The following CTNNA2 variants were observed in gnomAD, a reference collection of about 807,000 sequenced individuals.
CTNNA2 encodes catenin alpha-2.
Under a neutral mutation model 101.0 loss-of-function variants are expected in CTNNA2, and 42 were observed. The observed-to-expected ratio is 0.42, with a 90% CI of 0.32 to 0.54. The LOEUF (loss-of-function observed/expected upper bound fraction) is 0.54. Among genes scored for constraint, CTNNA2 ranks in the 20% least tolerant of loss-of-function variants. The pLI, the probability that CTNNA2 is intolerant of heterozygous loss-of-function variation, is 0.14. For synonymous variants in CTNNA2, 450 were observed against 456.4 expected, an observed-to-expected ratio of 0.99 and a Z score of 0.18; for missense variants, 871 against 1,223.1, an observed-to-expected ratio of 0.71 and a Z score of 4.29.
At chr2:80,472,940 G>A (rs1000229148) in intron 9 of CTNNA2, among the ~76,000 whole-genome samples, 8 of 152,116 alleles carry the variant, frequency 5.3e-5, no homozygotes, top group Admixed American at 1.3e-4. Context: ...CCACCTTCTC[G>A]TTCAGCTTGT....
At chr2:80,125,934 C>T (rs756043247) in intron 7 of CTNNA2, among the ~76,000 whole-genome samples, 1 of 152,164 alleles carries the variant, frequency 6.6e-6, no homozygotes, top group Non-Finnish European at 1.5e-5. Flanking sequence ...AATACCGAAG[C>T]ACCTGGTTCA....
At chr2:80,126,380 G>T (rs1375716607) in intron 7 of CTNNA2, among the ~76,000 whole-genome samples, 1 of 151,726 alleles carries the variant, frequency 6.6e-6, no homozygotes, top group African/African-American at 2.4e-5. Context: ...AAAGTTAAGG[G>T]GAATCCTCAA....
At chr2:80,023,413 T>G (rs1193037196) in intron 7 of CTNNA2, among the ~76,000 whole-genome samples, 1 of 152,164 alleles carries the variant, frequency 6.6e-6, no homozygotes, top group Non-Finnish European at 1.5e-5. Flanking sequence ...TGATTGAAGT[T>G]TCTACTGACC....
At chr2:79,509,131 A>G (rs1329122037), upstream of CTNNA2, among the ~76,000 whole-genome samples, 3 of 151,710 alleles carry the variant, frequency 2.0e-5, no homozygotes. Flanking sequence ...TTAATAGTAA[A>G]AGGAATACAT....
chr2:79,287,564 C>CTTGGGGT (rs201633639), intron 2 of CTNNA2, among the ~76,000 whole-genome samples: 1 of 143,792 alleles, frequency 7.0e-6, no homozygotes, highest in Non-Finnish European at 1.5e-5. Flanking sequence ...AGTTAGGCTG[C>CTTGGGGT]TCAGGGGTCA....
chr2:79,563,163 A>G (rs761438081), intron 1 of CTNNA2, among the ~76,000 whole-genome samples: 18 of 35,502 alleles, frequency 5.1e-4, no homozygotes, highest in East Asian at 2.1e-3. Flanking sequence ...AAAGATGTGT[A>G]TATATATATA....
At chr2:79,670,229 G>C (rs552362631) in intron 2 of CTNNA2, among the ~76,000 whole-genome samples, 1 of 152,188 alleles carries the variant, frequency 6.6e-6, no homozygotes, top group African/African-American at 2.4e-5. Context: ...GGAAGCCCAG[G>C]TCTGCAGCCG....
intron 3 of CTNNA2, among the ~76,000 whole-genome samples, chr2:79,349,668 T>C (rs1044813590): frequency 1.3e-5 from 2 of 152,122 alleles, no homozygotes; most frequent in Admixed American, 6.5e-5. Flanking sequence ...AGAGGAAGAA[T>C]AGCATGAGTT....
At chr2:80,567,905 AC>A (rs1558596288) in intron 12 of CTNNA2, among the ~76,000 whole-genome samples, 1 of 152,022 alleles carries the variant, frequency 6.6e-6, no homozygotes, top group East Asian at 1.9e-4. Context: ...GTTAACAGTT[AC>A]TAAACTGTTT....
chr2:79,648,986 T>C (rs1159997072), intron 1 of CTNNA2, among the ~76,000 whole-genome samples: 2 of 152,278 alleles, frequency 1.3e-5, no homozygotes, highest in Non-Finnish European at 1.5e-5. Flanking sequence ...AGGAATAAAT[T>C]AATTTGAGTG....
intron 9 of CTNNA2, among the ~76,000 whole-genome samples, chr2:80,433,624 C>T (rs1168949919): frequency 2.0e-5 from 3 of 152,062 alleles, no homozygotes; most frequent in African/African-American, 7.2e-5. Context: ...CTGCTCACAG[C>T]TCTTCCTGAT....
At chr2:80,384,556 C>T (rs1236933236) in intron 7 of CTNNA2, among the ~76,000 whole-genome samples, 4 of 151,074 alleles carry the variant, frequency 2.6e-5, no homozygotes, top group Non-Finnish European at 5.9e-5. Flanking sequence ...GATGAGGGAA[C>T]GCAGTCAACA....
intron 7 of CTNNA2, among the ~76,000 whole-genome samples, chr2:80,150,452 T>C (rs1703628155): frequency 6.6e-6 from 1 of 152,182 alleles, no homozygotes; most frequent in African/African-American, 2.4e-5. Context: ...TGATGGAAAC[T>C]GAGGCTTCTG....
intron 7 of CTNNA2, among the ~76,000 whole-genome samples, chr2:79,970,897 GTGATT>G (rs772776828): frequency 9.6e-4 from 146 of 152,252 alleles, no homozygotes; most frequent in Non-Finnish European, 1.4e-3. Context: ...AGGTTGGACT[GTGATT>G]TGACAACATT....
intron 9 of CTNNA2, among the ~76,000 whole-genome samples, chr2:80,434,508 T>G (rs1681848475): frequency 7.6e-6 from 1 of 131,678 alleles, no homozygotes; most frequent in South Asian, 2.6e-4. Context: ...TTTTTTTTTT[T>G]GAGCCAGGGT....
At chr2:80,461,109 T>A (rs960297993) in intron 9 of CTNNA2, among the ~76,000 whole-genome samples, 1 of 152,198 alleles carries the variant, frequency 6.6e-6, no homozygotes, top group South Asian at 2.1e-4. Context: ...TTACCTAACT[T>A]TAGCCAGGCT....
At chr2:80,071,632 G>A in intron 7 of CTNNA2, among the ~76,000 whole-genome samples, 1 of 152,202 alleles carries the variant, frequency 6.6e-6, no homozygotes, top group East Asian at 1.9e-4. Context: ...GTCATTACAG[G>A]CCCTTACATC....
intron 2 of CTNNA2, among the ~76,000 whole-genome samples, chr2:79,734,706 G>A (rs950604052): frequency 1.1e-4 from 17 of 152,038 alleles, no homozygotes; most frequent in South Asian, 4.1e-4. Flanking sequence ...TCATCATTAC[G>A]TCATATGCCT....
chr2:80,557,486 T>G (rs1334745410), intron 12 of CTNNA2, among the ~76,000 whole-genome samples: 1 of 152,202 alleles, frequency 6.6e-6, no homozygotes, highest in Non-Finnish European at 1.5e-5. Context: ...ATGTGAGATA[T>G]CTGACAGAGT....
Sources: allele counts gnomAD v4.1 joint callset (sites outside exome capture counted in the v4.1 genomes callset), GRCh38; gene constraint gnomAD v4.1.1; transcripts MANE v1.5; gene names NCBI Gene and HGNC (gene_info 2026-07-23, HGNC 2026-07-21).